Variants in KCNG2 observed in about 807,000 individuals in gnomAD.
KCNG2 encodes the protein voltage-gated potassium channel regulatory subunit KCNG2.
Under a neutral mutation model 12.3 loss-of-function variants are expected in KCNG2, and 7 were observed. That is an observed-to-expected ratio of 0.57 (90% CI 0.32 to 1.07). The LOEUF (loss-of-function observed/expected upper bound fraction) is 1.07. Among genes scored for constraint, KCNG2 ranks in the 50% least tolerant of loss-of-function variants. KCNG2 has a pLI of 0.04. For missense variants in KCNG2, 703 were observed against 726.0 expected (o/e 0.97, Z 0.36); for synonymous variants, 414 against 351.4 (o/e 1.18, Z -1.99).
intron 1 of KCNG2, among the ~76,000 whole-genome samples, chr18:79,817,286 C>G (rs776932756): frequency 1.4e-4 from 21 of 151,628 alleles, no homozygotes; most frequent in Non-Finnish European, 2.7e-4. Context: ...ACACGGCTGC[C>G]ACTCACATGC....
intron 3 of KCNG2, among the ~76,000 whole-genome samples, chr18:79,874,978 G>A (rs1814484960): frequency 1.3e-5 from 2 of 152,146 alleles, no homozygotes; most frequent in African/African-American, 4.8e-5. Context: ...AGACTGATGA[G>A]GCTCAGAAAG....
chr18:79,803,292 A>G lies in KCNG2; in HGVS notation c.-115+5278A>G, dbSNP rs2087425241. On this transcript the variant is annotated intron_variant, in intron 1 of 3. Transcript: ENST00000316249. The surrounding 1 kb of genome is among the most constrained non-coding windows in gnomAD (Gnocchi z 4.5). ...TCTTTCACCTCTGTAGTCACAGGGC[A>G]GGGCCAGCCCCCTCACCTCTAGGCC... 6.6e-6 allele frequency among the ~76,000 whole-genome samples: 1 copy of G among 152,022 alleles called. No individual in the cohort carries two copies. Among genetic ancestry groups the G allele is most frequent in the Non-Finnish European group, 1.5e-5 (1 of 68,010 alleles).
At position 79,899,589 on chromosome 18, in the gene KCNG2, A is replaced by T. The variant is rs1219665791; in HGVS notation, c.1174A>T (p.Ser392Cys). The T allele has an allele frequency of 1.3e-6, 2 of 1,598,534 alleles. No individual in the cohort carries two copies. The highest frequency in any genetic ancestry group is 4.5e-5 in the East Asian group (2 of 44,028). Reference sequence around the variant, plus strand: ...GGTGGTGGCGCTCAGCAGCATCCTCAGCGGCATCCTGCTCATGGCCTTCCC... The same window carrying T: ...GGTGGTGGCGCTCAGCAGCATCCTCTGCGGCATCCTGCTCATGGCCTTCCC... ...GQVVALSSILSGILLMAFPVT... is the reference protein window; with the variant it reads ...GQVVALSSILCGILLMAFPVT... The change falls in exon 4 of 4, where the codon AGC becomes TGC. Residue 392 changes from serine to cysteine, a missense_variant. Physicochemically the swap from Ser to Cys is moderately radical, Grantham distance 112. Coordinates refer to ENST00000316249, the MANE Select transcript of KCNG2 (RefSeq NM_012283.2).
chr18:79,873,429 C>CCG (rs1229578434), intron 3 of KCNG2, among the ~76,000 whole-genome samples: 2 of 143,066 alleles, frequency 1.4e-5, no homozygotes, highest in Non-Finnish European at 3.1e-5. Context: ...GCCCCCCTCC[C>CCG]CCCCCCCCAG....
rs529132891 is a variant in KCNG2 at position 79,846,116 on chromosome 18, T to G, written c.-114-10263T>G. Among the ~76,000 whole-genome samples, 532 of 151,032 alleles carry G rather than the reference T, an allele frequency of 3.5e-3. 3 individuals carry two copies. Among genetic ancestry groups the G allele is most frequent in the Admixed American group, 5.9e-3 (90 of 15,188 alleles). ...GGCTGGGCGCGGTGGCTCACGCCTG[T>G]AATCCCAGCACTTTGGGAGGCCGAG... On this transcript the variant is annotated intron_variant, in intron 1 of 3. Coordinates refer to ENST00000316249, the MANE Select transcript of KCNG2 (RefSeq NM_012283.2).
At chr18:79,874,443 T>A (rs1979985796) in intron 3 of KCNG2, among the ~76,000 whole-genome samples, 1 of 152,178 alleles carries the variant, frequency 6.6e-6, no homozygotes. Context: ...ACACACACAC[T>A]TACTGCGCGT....
chr18:79,872,287 T>TTTTTTTTTTTG (rs1979874200), intron 3 of KCNG2, among the ~76,000 whole-genome samples: 3 of 113,506 alleles, frequency 2.6e-5, no homozygotes, highest in South Asian at 3.6e-4. Flanking sequence ...TCAGTTTTTT[T>TTTTTTTTTTTG]TTTTTTTTTT....
At chr18:79,811,990 T>A (rs1333496058) in intron 1 of KCNG2, among the ~76,000 whole-genome samples, 1 of 152,058 alleles carries the variant, frequency 6.6e-6, no homozygotes, top group Non-Finnish European at 1.5e-5. Flanking sequence ...AACAAAAGTA[T>A]TAATACTTGT....
intron 1 of KCNG2, among the ~76,000 whole-genome samples, chr18:79,802,850 G>A (rs1232063152): frequency 1.3e-5 from 2 of 152,180 alleles, no homozygotes; most frequent in Non-Finnish European, 2.9e-5. Flanking sequence ...TGATGCAATG[G>A]AGTGAAAATG....
intron 1 of KCNG2, among the ~76,000 whole-genome samples, chr18:79,845,909 AC>A (rs1184693138): frequency 6.7e-6 from 1 of 150,064 alleles, no homozygotes; most frequent in Non-Finnish European, 1.5e-5. Context: ...ATACAGTGAA[AC>A]CCCGTCTCTA....
At chr18:79,852,711 C>A (rs1397232209) in intron 1 of KCNG2, among the ~76,000 whole-genome samples, 1 of 152,240 alleles carries the variant, frequency 6.6e-6, no homozygotes, top group African/African-American at 2.4e-5. Flanking sequence ...GACTTTGAAG[C>A]CACCGACGGG....
chr18:79,899,309 G>A lies in KCNG2; in HGVS notation c.894G>A (p.Val298=), dbSNP rs1402701023. The part of the protein sequence containing the change: ...RLLRALRVLY[V]MRLARHSLGL... The stretch of plus-strand genomic sequence containing the variant: ...TGCGTGCGCTGCGCGTGCTCTACGT[G>A]ATGCGCCTGGCGCGCCACTCGCTGG... Residue 298 remains valine, a synonymous_variant, in exon 4 of 4, where the codon GTG becomes GTA. Coordinates refer to ENST00000316249, the MANE Select transcript of KCNG2 (RefSeq NM_012283.2). The A allele has an allele frequency of 1.9e-6, 3 of 1,558,348 alleles. No homozygotes were observed. Among genetic ancestry groups the A allele is most frequent in the Non-Finnish European group, 2.6e-6 (3 of 1,162,052 alleles).
intron 3 of KCNG2, among the ~76,000 whole-genome samples, chr18:79,865,275 T>A (rs1370499340): frequency 1.6e-5 from 2 of 126,132 alleles, no homozygotes; most frequent in Admixed American, 7.6e-5. Context: ...CTGAGGTCTG[T>A]GTGCTGAGAG....
chr18:79,899,528 C>A lies in KCNG2; in HGVS notation c.1113C>A (p.Gly371=). 6.2e-7 allele frequency: 1 copy of A among 1,606,738 alleles called. No homozygotes were observed. Among genetic ancestry groups the A allele is most frequent in the South Asian group, 1.1e-5 (1 of 89,928 alleles). The stretch of plus-strand genomic sequence containing the variant: ...CCGTCATCTCCATGACCACCGTGGG[C>A]TACGGCGACATGGTCCCGCGCAGCC... ...WWAVISMTTV[G]YGDMVPRSLP... is the part of the protein sequence containing the mutation. The change falls in exon 4 of 4, where the codon GGC becomes GGA. Residue 371 remains glycine (G), a synonymous_variant. Coordinates refer to ENST00000316249, the MANE Select transcript of KCNG2 (RefSeq NM_012283.2).
intron 1 of KCNG2, among the ~76,000 whole-genome samples, chr18:79,812,318 A>T (rs2087498775): frequency 2.0e-5 from 3 of 152,356 alleles, no homozygotes; most frequent in Admixed American, 6.5e-5. Flanking sequence ...TGCTTAGATT[A>T]GAAGAGACAA....
At chr18:79,808,163 G>A (rs1445519859) in intron 1 of KCNG2, among the ~76,000 whole-genome samples, 28 of 111,356 alleles carry the variant, frequency 2.5e-4, no homozygotes, top group African/African-American at 7.9e-4. Flanking sequence ...CACACTCCAC[G>A]TTATGGGCCC....
At chr18:79,829,266 G>A (rs1419202814) in intron 1 of KCNG2, among the ~76,000 whole-genome samples, 2 of 151,966 alleles carry the variant, frequency 1.3e-5, no homozygotes, top group East Asian at 1.9e-4. Context: ...GTGTCTGTGT[G>A]TGCATGTGTC....
At position 79,899,239 on chromosome 18, in the gene KCNG2, G is replaced by A. The variant is rs778338837; in HGVS notation, c.824G>A (p.Gly275Asp). 4.3e-5 allele frequency: 69 copies of A among 1,597,586 alleles called. 1 individual carries two copies. The highest frequency in any genetic ancestry group is 3.4e-6 in the Non-Finnish European group (4 of 1,177,974). Reference sequence around the variant, plus strand: ...CTGCTGGGGCTGGCGGCAGGCCCGGGCGGGACCAAGCTCCTGGAGCGCGCG... The same window carrying A: ...CTGCTGGGGCTGGCGGCAGGCCCGGACGGGACCAAGCTCCTGGAGCGCGCG... ...SLLLGLAAGP[G>D]GTKLLERAGL... The change falls in exon 4 of 4, where the codon GGC becomes GAC. Residue 275 changes from glycine (G) to aspartate (D), a missense_variant. By Grantham distance (94) the Gly-to-Asp change is moderately conservative. Coordinates refer to ENST00000316249, the MANE Select transcript of KCNG2 (RefSeq NM_012283.2).
At chr18:79,841,838 C>T (rs1978468475) in intron 1 of KCNG2, among the ~76,000 whole-genome samples, 1 of 152,160 alleles carries the variant, frequency 6.6e-6, no homozygotes, top group Non-Finnish European at 1.5e-5. Context: ...GAATGGAGCA[C>T]AGGAATAAGG....
Sources: allele counts gnomAD v4.1 joint callset (sites outside exome capture counted in the v4.1 genomes callset), GRCh38; gene constraint gnomAD v4.1.1; non-coding constraint Gnocchi (gnomAD v3.1); transcripts MANE v1.5; gene names NCBI Gene and HGNC (gene_info 2026-07-23, HGNC 2026-07-21).